Variants in PCDH11Y observed in about 807,000 individuals in gnomAD.
The protein encoded by PCDH11Y is protocadherin-11 Y-linked.
For synonymous variants in PCDH11Y, 9 were observed against 83.6 expected (o/e 0.11, Z 4.87); for missense variants, 12 against 224.8 (o/e 0.05, Z 6.05).
At chrY:5,195,086 A>G (rs368397852) in intron 2 of PCDH11Y, among the ~76,000 whole-genome samples, 4 of 33,322 alleles carry the variant, frequency 1.2e-4, no homozygotes, top group African/African-American at 4.7e-4. Flanking sequence ...TTAGCTAGAC[A>G]GAAAAGTTCT....
intron 2 of PCDH11Y, among the ~76,000 whole-genome samples, chrY:5,311,474 GAT>G (rs752106921): frequency 8.3e-3 from 118 of 14,216 alleles, no homozygotes; most frequent in East Asian, 0.047. Context: ...AAAGAGAAAA[GAT>G]ATATATATAT....
chrY:5,115,736 CTTTTTTTT>C lies in PCDH11Y; in HGVS notation c.3129+15044_3129+15051del, dbSNP rs766994029. On this transcript the variant is annotated intron_variant, in intron 2 of 4. Coordinates refer to the PCDH11Y transcript ENST00000400457. ...ACGGATAAAAATAAACCACCGAGTT[CTTTTTTTT>C]TTTTTTTTTTTTTTGAGATGGAGTC... Among the ~76,000 whole-genome samples the C allele has an allele frequency of 1.6e-4, 3 of 18,383 alleles. No individual in the cohort carries two copies. The East Asian group carries it at 4.5e-3, about 28-fold the overall frequency. The allele number at this position is 18,383 out of a possible 37,273, so 49.3% of individuals were successfully genotyped here. A position where few individuals can be genotyped will look rare whatever the true frequency, so the allele number is the denominator to read the frequency against.
intron 3 of PCDH11Y, among the ~76,000 whole-genome samples, chrY:5,549,555 T>G (rs1602941826): frequency 1.7e-3 from 58 of 33,765 alleles, no homozygotes; most frequent in African/African-American, 5.7e-3. Flanking sequence ...ATGAAATTCC[T>G]CAAAGATTTA....
chrY:5,167,739 CA>C (rs1188071256), intron 2 of PCDH11Y, among the ~76,000 whole-genome samples: 434 of 24,517 alleles, frequency 0.018, no homozygotes, highest in Middle Eastern at 0.18. Context: ...GAAGAGTCCC[CA>C]AAAAACAATT....
chrY:5,454,157 T>C, intron 2 of PCDH11Y, among the ~76,000 whole-genome samples: 1 of 33,627 alleles, frequency 3.0e-5, no homozygotes, highest in Non-Finnish European at 7.4e-5. Flanking sequence ...AACATTCTCA[T>C]TCCAAAAAAG....
intron 3 of PCDH11Y, among the ~76,000 whole-genome samples, chrY:5,543,342 T>G (rs2124693267): frequency 5.2e-4 from 18 of 34,351 alleles, no homozygotes; most frequent in African/African-American, 1.8e-3. Flanking sequence ...TGTACTCTAT[T>G]TTTATCTGTA....
intron 4 of PCDH11Y, among the ~76,000 whole-genome samples, chrY:5,600,458 A>T: frequency 6.2e-5 from 2 of 32,181 alleles, no homozygotes; most frequent in Non-Finnish European, 1.5e-4. Flanking sequence ...TTCAGAAAGG[A>T]TGTAAGAAAG....
intron 4 of PCDH11Y, among the ~76,000 whole-genome samples, chrY:5,659,135 T>C (rs2053539052): frequency 6.1e-5 from 2 of 32,536 alleles, no homozygotes; most frequent in Admixed American, 5.7e-4. Flanking sequence ...ACAGTGCCTC[T>C]CTCTGTGTGC....
At chrY:5,012,281 TA>T (rs2052551108) in intron 1 of PCDH11Y, among the ~76,000 whole-genome samples, 4 of 32,247 alleles carry the variant, frequency 1.2e-4, no homozygotes, top group Admixed American at 1.2e-3. Context: ...AAAAAAGGTT[TA>T]ACTGACTCAC....
chrY:5,565,544 G>T, intron 3 of PCDH11Y, among the ~76,000 whole-genome samples: 1 of 31,662 alleles, frequency 3.2e-5, no homozygotes, highest in Non-Finnish European at 7.7e-5. Flanking sequence ...TTTGGATATG[G>T]ATAGACAAAT....
At chrY:5,352,226 A>T in intron 2 of PCDH11Y, among the ~76,000 whole-genome samples, 1 of 26,837 alleles carries the variant, frequency 3.7e-5, no homozygotes, top group Non-Finnish European at 8.3e-5. Flanking sequence ...GGTTCAAGGG[A>T]TTCTCCTGCC....
chrY:5,151,748 C>T (rs2052864418), intron 2 of PCDH11Y, among the ~76,000 whole-genome samples: 1 of 32,208 alleles, frequency 3.1e-5, no homozygotes, highest in African/African-American at 1.2e-4. Context: ...CCTAATCAAA[C>T]GTGGCTCTTG....
intron 3 of PCDH11Y, among the ~76,000 whole-genome samples, chrY:5,580,181 CT>C: frequency 3.1e-5 from 1 of 31,815 alleles, no homozygotes; most frequent in Admixed American, 2.9e-4. Flanking sequence ...TGTTTGTTTT[CT>C]TTTTTATTGT....
intron 2 of PCDH11Y, among the ~76,000 whole-genome samples, chrY:5,130,994 G>A (rs2052833339): frequency 1.9e-3 from 60 of 31,250 alleles, no homozygotes; most frequent in South Asian, 6.6e-3. Flanking sequence ...GGAAGACAGT[G>A]TGGAAATTCC....
At chrY:5,163,297 A>T in intron 2 of PCDH11Y, among the ~76,000 whole-genome samples, 1 of 33,060 alleles carries the variant, frequency 3.0e-5, no homozygotes, top group Non-Finnish European at 7.5e-5. Flanking sequence ...TCCAACATAC[A>T]AAAGTTGAAA....
At chrY:5,530,129 C>T (rs2053391467) in intron 3 of PCDH11Y, among the ~76,000 whole-genome samples, 1 of 31,530 alleles carries the variant, frequency 3.2e-5, no homozygotes, top group Non-Finnish European at 7.8e-5. Flanking sequence ...TTTCATATAC[C>T]GGACAATTAC....
At chrY:5,320,938 G>A in intron 2 of PCDH11Y, among the ~76,000 whole-genome samples, 1 of 33,043 alleles carries the variant, frequency 3.0e-5, no homozygotes, top group African/African-American at 1.2e-4. Flanking sequence ...GACTATGTAA[G>A]AGGACTGAAT....
intron 2 of PCDH11Y, among the ~76,000 whole-genome samples, chrY:5,482,050 A>G (rs2053326937): frequency 4.5e-5 from 1 of 22,071 alleles, no homozygotes; most frequent in Admixed American, 4.9e-4. Flanking sequence ...CCCAGGCTGG[A>G]ATGCAGTGGT....
intron 2 of PCDH11Y, among the ~76,000 whole-genome samples, chrY:5,358,773 T>A: frequency 3.1e-5 from 1 of 31,898 alleles, no homozygotes; most frequent in Non-Finnish European, 7.6e-5. Flanking sequence ...GAGGGATGAC[T>A]TTGAGTTCTG....
Sources: allele counts gnomAD v4.1 joint callset (sites outside exome capture counted in the v4.1 genomes callset), GRCh38; gene constraint gnomAD v4.1.1; transcripts MANE v1.5; gene names NCBI Gene and HGNC (gene_info 2026-07-23, HGNC 2026-07-21).